The following ZMAT4 variants were observed in gnomAD, a reference collection of about 807,000 sequenced individuals.
ZMAT4 encodes the protein zinc finger matrin-type 4, also known as zinc finger matrin-type protein 4.
ZMAT4 carries 17 observed loss-of-function variants against 28.7 expected under a neutral mutation model. The observed-to-expected ratio is 0.59, with a 90% CI of 0.41 to 0.89. The LOEUF is 0.89. ZMAT4 is among the 40% of genes least tolerant of loss of function. The pLI, the probability that ZMAT4 is intolerant of heterozygous loss-of-function variation, is 0.00. For synonymous variants in ZMAT4, 117 were observed against 109.2 expected (o/e 1.07, Z -0.44); for missense variants, 240 against 283.8 (o/e 0.85, Z 1.11).
intron 4 of ZMAT4, among the ~76,000 whole-genome samples, chr8:40,693,709 A>G (rs1414192469): frequency 6.6e-6 from 1 of 152,230 alleles, no homozygotes; most frequent in Non-Finnish European, 1.5e-5. Context: ...AGCCACAGAC[A>G]ATATGTAAAT....
At chr8:40,811,418 T>C (rs1279954034) in intron 2 of ZMAT4, among the ~76,000 whole-genome samples, 1 of 152,228 alleles carries the variant, frequency 6.6e-6, no homozygotes, top group Admixed American at 6.5e-5. Flanking sequence ...GCCTGTAATG[T>C]GTGCCATAAC....
intron 2 of ZMAT4, among the ~76,000 whole-genome samples, chr8:40,787,584 C>G (rs1215848997): frequency 1.3e-5 from 2 of 152,188 alleles, no homozygotes; most frequent in Non-Finnish European, 2.9e-5. Flanking sequence ...TTTACAGCTT[C>G]TCTTTGGCAT....
intron 5 of ZMAT4, among the ~76,000 whole-genome samples, chr8:40,660,050 T>C (rs1455165882): frequency 1.3e-5 from 2 of 152,230 alleles, no homozygotes; most frequent in Admixed American, 1.3e-4. Flanking sequence ...TGAAAAGCTG[T>C]GCTACCATGC....
intron 5 of ZMAT4, among the ~76,000 whole-genome samples, chr8:40,597,473 G>A (rs1308698112): frequency 6.6e-6 from 1 of 152,186 alleles, no homozygotes; most frequent in Non-Finnish European, 1.5e-5. Flanking sequence ...GTCGCCCTCA[G>A]CTCCTTCCGG....
chr8:40,695,023 T>A (rs555535593), intron 4 of ZMAT4, among the ~76,000 whole-genome samples: 1 of 152,282 alleles, frequency 6.6e-6, no homozygotes, highest in African/African-American at 2.4e-5. Context: ...CAGGCTTTGC[T>A]AGGTGTCCCC....
chr8:40,784,437 A>G (rs1179350302), intron 2 of ZMAT4, among the ~76,000 whole-genome samples: 2 of 152,164 alleles, frequency 1.3e-5, no homozygotes, highest in African/African-American at 2.4e-5. Context: ...TACAGGTTAT[A>G]TGAAAAATCG....
chr8:40,700,435 G>C (rs1211323087), intron 3 of ZMAT4, among the ~76,000 whole-genome samples: 1 of 21,462 alleles, frequency 4.7e-5, no homozygotes, highest in Non-Finnish European at 1.1e-4. Flanking sequence ...TTTTTTTTTT[G>C]GCTACAGAGT....
At chr8:40,772,058 G>A (rs1813410243) in intron 2 of ZMAT4, among the ~76,000 whole-genome samples, 1 of 152,158 alleles carries the variant, frequency 6.6e-6, no homozygotes. Context: ...GAAAAGACAT[G>A]AAAAAGAATT....
At position 40,762,493 on chromosome 8, in the gene ZMAT4, T is replaced by A. The variant is rs143342903; in HGVS notation, c.192+5148A>T. Among the ~76,000 whole-genome samples, 1,032 of 146,922 alleles carry A rather than the reference T, an allele frequency of 7.0e-3. 16 individuals carry two copies. The highest frequency in any genetic ancestry group is 0.024 in the African/African-American group (971 of 40,704). ...AACAGCAAGATCCCATCTCTACAAA[T>A]TTTTTTTTTTAAATTAGCCAGGTAT... On this transcript the variant is annotated intron_variant, in intron 3 of 6. Transcript: ENST00000297737.
chr8:40,600,526 C>T (rs1046169710), intron 5 of ZMAT4, among the ~76,000 whole-genome samples: 1 of 152,176 alleles, frequency 6.6e-6, no homozygotes, highest in Admixed American at 6.5e-5. Context: ...TGCTCAGCCT[C>T]GCCTTTGACA....
At chr8:40,613,297 C>T (rs1258294211) in intron 5 of ZMAT4, among the ~76,000 whole-genome samples, 3 of 148,750 alleles carry the variant, frequency 2.0e-5, no homozygotes, top group Non-Finnish European at 4.4e-5. Flanking sequence ...ATCCTCCTGA[C>T]TCAGTCGTTT....
At chr8:40,616,549 T>C (rs906835151) in intron 5 of ZMAT4, among the ~76,000 whole-genome samples, 5 of 152,134 alleles carry the variant, frequency 3.3e-5, no homozygotes, top group Non-Finnish European at 7.4e-5. Context: ...TGGAATACTA[T>C]GCAGCCATAA....
intron 6 of ZMAT4, among the ~76,000 whole-genome samples, chr8:40,549,378 CTTACAACTCCCAAGT>C (rs1803298380): frequency 6.6e-6 from 1 of 152,298 alleles, no homozygotes; most frequent in South Asian, 2.1e-4. Context: ...GAAAGAAAGG[CTTACAACTCCCAAGT>C]TTGCATTTCA....
intron 6 of ZMAT4, among the ~76,000 whole-genome samples, chr8:40,557,161 A>G (rs1252723736): frequency 2.6e-5 from 4 of 152,182 alleles, no homozygotes; most frequent in Admixed American, 6.5e-5. Flanking sequence ...AAAGAAATGT[A>G]TATTTCAAAA....
chr8:40,611,507 AT>A (rs1442923735), intron 5 of ZMAT4, among the ~76,000 whole-genome samples: 2 of 152,042 alleles, frequency 1.3e-5, no homozygotes, highest in East Asian at 1.9e-4. Context: ...CGCCAGGCTA[AT>A]TTTTTGTATT....
intron 5 of ZMAT4, among the ~76,000 whole-genome samples, chr8:40,619,504 C>T (rs949188310): frequency 1.3e-5 from 2 of 152,092 alleles, no homozygotes; most frequent in Admixed American, 6.5e-5. Flanking sequence ...ATGGGGAAAC[C>T]GTTGAGTCCG....
At chr8:40,627,000 G>A (rs1010051271) in intron 5 of ZMAT4, among the ~76,000 whole-genome samples, 9 of 152,222 alleles carry the variant, frequency 5.9e-5, no homozygotes, top group South Asian at 2.1e-4. Context: ...AATGATCCAC[G>A]CCCTTTATGG....
At chr8:40,821,021 G>C (rs1009667041) in intron 2 of ZMAT4, among the ~76,000 whole-genome samples, 7 of 142,410 alleles carry the variant, frequency 4.9e-5, no homozygotes, top group Non-Finnish European at 1.1e-4. Context: ...GTTTATGGGT[G>C]CGTGTGTATG....
intron 3 of ZMAT4, among the ~76,000 whole-genome samples, chr8:40,765,660 C>T (rs909945197): frequency 6.6e-5 from 10 of 152,264 alleles, no homozygotes; most frequent in East Asian, 1.9e-4. Flanking sequence ...ACTGTCCTTG[C>T]GGTTATTGGC....
Sources: allele counts gnomAD v4.1 joint callset (sites outside exome capture counted in the v4.1 genomes callset), GRCh38; gene constraint gnomAD v4.1.1; transcripts MANE v1.5; gene names NCBI Gene and HGNC (gene_info 2026-07-23, HGNC 2026-07-21).